RET: variants seen among roughly 807,000 people sequenced by gnomAD.
RET encodes the protein proto-oncogene tyrosine-protein kinase receptor Ret.
A neutral mutation model predicts 118.3 loss-of-function variants in RET; 19 were observed. The ratio of observed to expected loss-of-function variants is 0.16; its 90% confidence interval spans 0.11 to 0.24. The LOEUF is 0.24. Among genes scored for constraint, RET ranks in the 10% least tolerant of loss-of-function variants. The pLI, the probability that RET is intolerant of heterozygous loss-of-function variation, is 1.00. For missense variants in RET, 1,219 were observed against 1,502.1 expected, an observed-to-expected ratio of 0.81 and a Z score of 3.12; for synonymous variants, 597 against 644.1, an observed-to-expected ratio of 0.93 and a Z score of 1.11.
chr10:43,084,282 C>T (rs1042658909), intron 1 of RET, among the ~76,000 whole-genome samples: 2 of 152,200 alleles, frequency 1.3e-5, no homozygotes, highest in African/African-American at 2.4e-5. Context: ...TTTGTGGAGC[C>T]GCCAAACTGT....
Position 43,130,256 on chromosome 10 carries a change from A to C in RET, c.*1987A>C, listed in dbSNP as rs947733162. 26 of 380,024 alleles carry C rather than the reference A, an allele frequency of 6.8e-5. No homozygotes were observed. Among genetic ancestry groups the C allele is most frequent in the Admixed American group, 2.3e-4 (5 of 22,176 alleles). The allele number at this position is 380,024 out of a possible 1,614,324, so 23.5% of individuals were successfully genotyped here. On this transcript the variant is annotated 3_prime_UTR_variant, in exon 20 of 20. Transcript: ENST00000355710. Reference sequence around the variant, plus strand: ...TCAGTTATTAAAATTTGTAAAATCTATTTATGAAAGGTCATTAAACCAGAT... The same window carrying C: ...TCAGTTATTAAAATTTGTAAAATCTCTTTATGAAAGGTCATTAAACCAGAT...
At chr10:43,103,103 G>A (rs1837678905) in intron 3 of RET, among the ~76,000 whole-genome samples, 1 of 152,208 alleles carries the variant, frequency 6.6e-6, no homozygotes, top group Non-Finnish European at 1.5e-5. Flanking sequence ...TCGTGTGCCT[G>A]GAGTGCACTG....
chr10:43,116,547 C>A (rs1177066630), intron 11 of RET, 37 bp from the exon 12 acceptor site: 3 of 1,604,814 alleles, frequency 1.9e-6, no homozygotes, highest in African/African-American at 1.3e-5. Context: ...TCACACTTTT[C>A]CCCCCTCTTC....
rs1286466592 is a variant in RET at position 43,109,028 on chromosome 10, C to T, written c.1064-3C>T. On this transcript the variant is annotated splice_polypyrimidine_tract_variant and splice_region_variant and intron_variant, in intron 5 of 19. Coordinates refer to ENST00000355710, the MANE Select transcript of RET (RefSeq NM_020975.6). The stretch of plus-strand genomic sequence containing the variant: ...GTGGTCATTGTTGTGCCCCTACCTG[C>T]AGGGCTGGTTCTCAACCGGAACCTC... The T allele has an allele frequency of 6.2e-7, 1 of 1,612,154 alleles. No homozygotes were observed. Among genetic ancestry groups the T allele is most frequent in the Non-Finnish European group, 8.5e-7 (1 of 1,179,998 alleles).
At chr10:43,086,156 G>C (rs960027716) in intron 1 of RET, among the ~76,000 whole-genome samples, 2 of 152,148 alleles carry the variant, frequency 1.3e-5, no homozygotes, top group Admixed American at 6.5e-5. Flanking sequence ...GCCTCTGTGT[G>C]GCCTCCAGCA....
chr10:43,126,919 A>T (rs942708401), intron 19 of RET, 197 bp downstream of exon 19: 1 of 1,438,998 alleles, frequency 6.9e-7, no homozygotes, highest in Non-Finnish European at 9.1e-7. Context: ...TTCTAAAAGG[A>T]TGTGAAAATA....
chr10:43,091,901 A>G (rs148173710), intron 1 of RET, among the ~76,000 whole-genome samples: 94 of 152,150 alleles, frequency 6.2e-4, no homozygotes, highest in African/African-American at 2.1e-3. Context: ...CTGGAAGGTA[A>G]ATAGTGTAGC....
intron 1 of RET, among the ~76,000 whole-genome samples, chr10:43,093,608 G>T (rs4606438): frequency 0.38 from 57,309 of 151,928 alleles, 12,070 homozygotes; most frequent in African/African-American, 0.58. Context: ...GGGTGCAGAG[G>T]AGGAAACCAG....
chr10:43,108,182 C>CA (rs1265403086), intron 5 of RET, among the ~76,000 whole-genome samples: 2,132 of 110,478 alleles, frequency 0.019, 72 homozygotes, highest in Admixed American at 0.11. Context: ...CCTGTCTCTA[C>CA]AAAAAAAAAA....
At position 43,129,386 on chromosome 10, in the gene RET, G is replaced by A. The variant is rs1471169039; in HGVS notation, c.*1117G>A. ...ATGGTGTTTGGCTCTTATAGAGCCTGTGTGAAAGGCCCATGGATCAGCTCT... is the reference window on the plus strand; with the variant it reads ...ATGGTGTTTGGCTCTTATAGAGCCTATGTGAAAGGCCCATGGATCAGCTCT... On this transcript the variant is annotated 3_prime_UTR_variant, in exon 20 of 20. Transcript: ENST00000355710. The A allele has an allele frequency of 8.6e-6, 2 of 233,640 alleles. No individual in the cohort carries two copies. Among genetic ancestry groups the A allele is most frequent in the African/African-American group, 2.2e-5 (1 of 45,356 alleles). The allele number at this position is 233,640 out of a possible 1,614,324, so 14.5% of individuals were successfully genotyped here.
Position 43,106,682 on chromosome 10 carries a change from G to C in RET, c.1063+111G>C. 1 of 1,157,204 alleles carries C rather than the reference G, an allele frequency of 8.6e-7. No individual in the cohort carries two copies. Among genetic ancestry groups the C allele is most frequent in the Non-Finnish European group, 1.2e-6 (1 of 804,790 alleles). The allele number at this position is 1,157,204 out of a possible 1,614,324, so 71.7% of individuals were successfully genotyped here. ...TGCACACCTGGCATGGCCCTCTGTG[G>C]CCCAAGCCACTTCCCCTCCACCCTC... On this transcript the variant is annotated intron_variant, in intron 5 of 19. Coordinates refer to ENST00000355710, the MANE Select transcript of RET (RefSeq NM_020975.6). This position sits in a 1 kb window ranked among gnomAD's most constrained non-coding sequence, Gnocchi z 5.1.
In RET at chr10:43,130,043, C is replaced by T. The variant is rs1838413994; in HGVS notation, c.*1774C>T. The T allele has an allele frequency of 2.5e-6, 1 of 398,538 alleles. No individual in the cohort carries two copies. The allele number at this position is 398,538 out of a possible 1,614,324, so 24.7% of individuals were successfully genotyped here. A position where few individuals can be genotyped will look rare whatever the true frequency, so the allele number is the denominator to read the frequency against. ...GTTTGTTCTCAGGAGGGTAAGAACT[C>T]CAGGTCTAAACAGCTGACCCAGTGA... is the stretch of plus-strand genomic sequence containing the variant. On this transcript the variant is annotated 3_prime_UTR_variant, in exon 20 of 20. Coordinates refer to ENST00000355710, the MANE Select transcript of RET (RefSeq NM_020975.6).
In RET at chr10:43,102,768, C is replaced by T. The variant is rs115766280; in HGVS notation, c.625+139C>T. 2.7e-3 allele frequency: 2,915 copies of T among 1,062,492 alleles called. 52 individuals are homozygous for T. The African/African-American group carries it at 0.042, about 15-fold the overall frequency. The allele number at this position is 1,062,492 out of a possible 1,614,324, so 65.8% of individuals were successfully genotyped here. On this transcript the variant is annotated intron_variant, in intron 3 of 19. Transcript: ENST00000355710. ...TTCAATATTCCAGAAGTACCTCTTG[C>T]ATGCCTGCCAGGGGCCAGGTACTGT...
At chr10:43,093,772 G>A (rs1227506754) in intron 1 of RET, among the ~76,000 whole-genome samples, 1 of 150,572 alleles carries the variant, frequency 6.6e-6, no homozygotes, top group Non-Finnish European at 1.5e-5. Flanking sequence ...TGAAAGACGG[G>A]AGCCAGACCT....
In RET at chr10:43,128,449, G is replaced by A. The variant is rs1838382247; in HGVS notation, c.*180G>A. On this transcript the variant is annotated 3_prime_UTR_variant, in exon 20 of 20. Transcript: ENST00000355710. Reference sequence around the variant, plus strand: ...GGTGGTTTTACTTCTGATAGCCGGTGATTTTCCCTCCTAGCAGACATGCCA... The same window carrying A: ...GGTGGTTTTACTTCTGATAGCCGGTAATTTTCCCTCCTAGCAGACATGCCA... The A allele has an allele frequency of 2.9e-6, 2 of 700,606 alleles. No homozygotes were observed. The highest frequency in any genetic ancestry group is 2.5e-6 in the Non-Finnish European group (1 of 397,516). 43.4% of individuals were successfully genotyped at this position (700,606 alleles called of 1,614,324 possible). A position where few individuals can be genotyped will look rare whatever the true frequency, so the allele number is the denominator to read the frequency against.
intron 1 of RET, among the ~76,000 whole-genome samples, chr10:43,092,507 A>G (rs895800877): frequency 6.6e-6 from 1 of 152,218 alleles, no homozygotes; most frequent in Admixed American, 6.5e-5. Flanking sequence ...TAAAACTAGA[A>G]TCTCTCTTTA....
chr10:43,086,076 G>C (rs1436938124), intron 1 of RET, among the ~76,000 whole-genome samples: 5 of 152,174 alleles, frequency 3.3e-5, no homozygotes, highest in Non-Finnish European at 7.3e-5. Context: ...GGTAGCTCAC[G>C]GTGCCTCGGC....
In RET at chr10:43,119,544, C is replaced by T. The variant is rs748339853; in HGVS notation, c.2406C>T (p.Leu802=). The stretch of plus-strand genomic sequence containing the variant: ...CTCCGCCCCCAGGCCCGCTCCTCCT[C>T]ATCGTGGAGTACGCCAAATACGGCT... The part of the protein sequence containing the change: ...GACSQDGPLL[L]IVEYAKYGSL... Residue 802 remains leucine (L), a synonymous_variant, in exon 14 of 20, where the codon CTC becomes CTT. Transcript: ENST00000355710. 3.1e-6 allele frequency: 5 copies of T among 1,604,138 alleles called. No individual in the cohort carries two copies. The highest frequency in any genetic ancestry group is 3.4e-6 in the Non-Finnish European group (4 of 1,177,366).
chr10:43,093,672 G>T (rs1318046943), intron 1 of RET, among the ~76,000 whole-genome samples: 4 of 152,338 alleles, frequency 2.6e-5, no homozygotes, highest in Middle Eastern at 6.8e-3. Flanking sequence ...CAGCACCAAA[G>T]ACAGAGGAGG....
Sources: allele counts gnomAD v4.1 joint callset (sites outside exome capture counted in the v4.1 genomes callset), GRCh38; gene constraint gnomAD v4.1.1; non-coding constraint Gnocchi (gnomAD v3.1); transcripts MANE v1.5; gene names NCBI Gene and HGNC (gene_info 2026-07-23, HGNC 2026-07-21).